VPS8: variants seen among roughly 807,000 people sequenced by gnomAD.
The protein encoded by VPS8 is VPS8 subunit of CORVET complex.
A neutral mutation model predicts 216.4 loss-of-function variants in VPS8; 129 were observed. The observed-to-expected ratio is 0.60, with a 90% CI of 0.52 to 0.69. The LOEUF (loss-of-function observed/expected upper bound fraction) is 0.69. VPS8 is among the 30% of genes least tolerant of loss of function. The pLI, the probability that VPS8 is intolerant of heterozygous loss-of-function variation, is 0.00. For synonymous variants in VPS8, 571 were observed against 565.4 expected (o/e 1.01, Z -0.14); for missense variants, 1,531 against 1,683.5 (o/e 0.91, Z 1.59).
chr3:184,999,063 GT>G (rs112921901), intron 44 of VPS8, among the ~76,000 whole-genome samples: 28 of 143,222 alleles, frequency 2.0e-4, no homozygotes, highest in South Asian at 4.5e-4. Flanking sequence ...TTGGTTTTTG[GT>G]TTTTTTTTTT....
intron 33 of VPS8, among the ~76,000 whole-genome samples, chr3:184,930,131 G>T (rs1307185428): frequency 2.0e-5 from 3 of 152,126 alleles, no homozygotes; most frequent in Non-Finnish European, 4.4e-5. Flanking sequence ...ATCAGTATAG[G>T]TGGAGCATAA....
At chr3:184,847,794 A>G (rs1394486273) in intron 8 of VPS8, among the ~76,000 whole-genome samples, 2 of 152,206 alleles carry the variant, frequency 1.3e-5, no homozygotes, top group East Asian at 3.8e-4. Context: ...AATTTAATAA[A>G]TATTTGAGTG....
At chr3:184,858,103 G>A (rs1725609884) in intron 14 of VPS8, among the ~76,000 whole-genome samples, 1 of 152,190 alleles carries the variant, frequency 6.6e-6, no homozygotes, top group Non-Finnish European at 1.5e-5. Flanking sequence ...AGCCCAGGTT[G>A]AATTGAATGC....
In VPS8 at chr3:184,960,324, T is replaced by G. The variant is rs906518892; in HGVS notation, c.3183+2803T>G. Among the ~76,000 whole-genome samples, 2 of 152,320 alleles carry G rather than the reference T, an allele frequency of 1.3e-5. 1 individual carries two copies. Among genetic ancestry groups the G allele is most frequent in the South Asian group, 4.1e-4 (2 of 4,826 alleles). On this transcript the variant is annotated intron_variant, in intron 37 of 47. Transcript: ENST00000625842. Reference sequence around the variant, plus strand: ...CATGACCTCCTTGAAGATGCAACACTTTAGAATTTGCAAGGAGATTTCAGA... The same window carrying G: ...CATGACCTCCTTGAAGATGCAACACGTTAGAATTTGCAAGGAGATTTCAGA...
intron 46 of VPS8, 61 bp downstream of exon 46, chr3:185,024,450 G>A: frequency 6.8e-7 from 1 of 1,468,996 alleles, no homozygotes; most frequent in Non-Finnish European, 9.3e-7. Flanking sequence ...TCTCCTATGT[G>A]GAACAATATT....
chr3:184,852,357 G>A (rs184704852), intron 10 of VPS8, 143 bp from the exon 11 acceptor site: 1 of 619,734 alleles, frequency 1.6e-6, no homozygotes, highest in African/African-American at 1.8e-5. Context: ...TAAGTTTAGA[G>A]TGATGAGCAC....
At chr3:185,016,140 A>G (rs9872941) in intron 45 of VPS8, among the ~76,000 whole-genome samples, 137,500 of 152,214 alleles carry the variant, frequency 0.9, 63,074 homozygotes, top group Non-Finnish European at 0.98. Flanking sequence ...AGAGCAGGTC[A>G]TATCCAATTA....
intron 37 of VPS8, among the ~76,000 whole-genome samples, chr3:184,962,257 A>T (rs1746660447): frequency 6.6e-6 from 1 of 152,204 alleles, no homozygotes; most frequent in African/African-American, 2.4e-5. Flanking sequence ...TTGTGTGCCC[A>T]TATGAGGGTT....
intron 6 of VPS8, 96 bp downstream of exon 6, chr3:184,838,842 A>T: frequency 1.0e-6 from 1 of 958,710 alleles, no homozygotes; most frequent in Non-Finnish European, 1.5e-6. Flanking sequence ...ATAAGTTGTT[A>T]TGGTAATAAA....
chr3:184,827,801 T>C (rs1432860440), intron 3 of VPS8, among the ~76,000 whole-genome samples: 4 of 152,280 alleles, frequency 2.6e-5, no homozygotes, highest in African/African-American at 9.6e-5. Flanking sequence ...ATTTGGGTCA[T>C]GGTGTTAGAT....
At chr3:184,941,712 C>T (rs1742731217) in intron 36 of VPS8, among the ~76,000 whole-genome samples, 2 of 152,086 alleles carry the variant, frequency 1.3e-5, no homozygotes, top group Admixed American at 6.6e-5. Context: ...CTCTTTTCCT[C>T]TCCCATACTT....
At chr3:184,999,253 T>A (rs1753069342) in intron 44 of VPS8, among the ~76,000 whole-genome samples, 1 of 152,138 alleles carries the variant, frequency 6.6e-6, no homozygotes, top group African/African-American at 2.4e-5. Flanking sequence ...GAGACGGGGT[T>A]TCACGATGTT....
At chr3:184,940,075 G>T in intron 35 of VPS8, 122 bp from the exon 36 acceptor site, 1 of 347,414 alleles carries the variant, frequency 2.9e-6, no homozygotes, top group Admixed American at 4.5e-5. Flanking sequence ...TGTACAGAGG[G>T]CTTTGTGGAA....
chr3:184,916,533 A>C (rs1425696396), intron 28 of VPS8, among the ~76,000 whole-genome samples: 2 of 152,052 alleles, frequency 1.3e-5, no homozygotes, highest in African/African-American at 4.8e-5. Flanking sequence ...ATAATAAACT[A>C]TTAAATTATT....
chr3:184,918,420 G>A (rs1303794431), intron 28 of VPS8, among the ~76,000 whole-genome samples: 1 of 152,110 alleles, frequency 6.6e-6, no homozygotes, highest in African/African-American at 2.4e-5. Context: ...GTACATCTTT[G>A]CATATTATTC....
chr3:184,817,022 C>G (rs545595625), intron 1 of VPS8, among the ~76,000 whole-genome samples: 1 of 152,158 alleles, frequency 6.6e-6, no homozygotes, highest in South Asian at 2.1e-4. Flanking sequence ...TCATCTTGGC[C>G]TCTAAGCTGA....
rs976898690 is a variant in VPS8, at chr3:184,941,930, A to G, written c.3035+1687A>G. Among the ~76,000 whole-genome samples the G allele has an allele frequency of 6.6e-5, 10 of 152,188 alleles. No individual in the cohort carries two copies. The South Asian group carries it at 2.1e-3, about 32-fold the overall frequency. On this transcript the variant is annotated intron_variant, in intron 36 of 47. Transcript: ENST00000625842. ...TTAAAAAAAAAAACAGTATTAGGTA[A>G]TGTAAATATCTGTCAAAGACCTAGT...
Position 184,957,474 on chromosome 3 carries a change from G to A in VPS8, c.3136G>A (p.Glu1046Lys), listed in dbSNP as rs1745803167. The A allele has an allele frequency of 1.2e-6, 2 of 1,612,498 alleles. No individual in the cohort carries two copies. Among genetic ancestry groups the A allele is most frequent in the Non-Finnish European group, 1.7e-6 (2 of 1,179,336 alleles). ...LCQFNPTQVIETLQVLECYRL... is the reference protein window; with the variant it reads ...LCQFNPTQVIKTLQVLECYRL... The stretch of plus-strand genomic sequence containing the variant: ...TCAGTTCAACCCAACCCAAGTTATA[G>A]AGACTCTGCAAGTCCTTGAGTGCTA... Residue 1046 changes from glutamate to lysine, a missense_variant, in exon 37 of 48, where the codon GAG becomes AAG. This residue lies in a region of VPS8 where 1,318 missense variants were observed against 1,468.4 expected (regional missense o/e 0.90). Transcript: ENST00000625842.
intron 22 of VPS8, among the ~76,000 whole-genome samples, chr3:184,888,860 T>C (rs1245933290): frequency 6.6e-6 from 1 of 152,216 alleles, no homozygotes; most frequent in African/African-American, 2.4e-5. Flanking sequence ...TACCTGATGG[T>C]TGAACTGATG....
Sources: gnomAD v4.1 joint callset for allele counts (sites outside exome capture counted in the v4.1 genomes callset) on GRCh38, gnomAD v4.1.1 for gene constraint, gnomAD v4.1.1 regional missense constraint, MANE v1.5 for transcripts, NCBI Gene and HGNC (gene_info 2026-07-23, HGNC 2026-07-21) for gene names.